Variants in INTS1 observed in about 807,000 individuals in gnomAD.
The protein encoded by INTS1 is integrator complex subunit 1.
A neutral mutation model predicts 241.6 loss-of-function variants in INTS1; 137 were observed. The observed-to-expected ratio is 0.57, with a 90% CI of 0.49 to 0.65. The LOEUF is 0.65. Among genes scored for constraint, INTS1 ranks in the 30% least tolerant of loss-of-function variants. The pLI, the probability that INTS1 is intolerant of heterozygous loss-of-function variation, is 0.00. For synonymous variants in INTS1, 1,692 were observed against 1,337.8 expected (o/e 1.26, Z -5.78); for missense variants, 3,073 against 3,032.2 (o/e 1.01, Z -0.32).
intron 40 of INTS1, 85 bp from the exon 41 acceptor site, chr7:1,474,445 G>A (rs756566066): frequency 7.5e-5 from 104 of 1,394,624 alleles, no homozygotes; most frequent in Non-Finnish European, 9.6e-5. Context: ...TGCCTGCCCC[G>A]GGAGCCAGAC....
chr7:1,480,964 G>C (rs28632200), intron 28 of INTS1, 31 bp from the exon 29 acceptor site: 1 of 1,514,432 alleles, frequency 6.6e-7, no homozygotes, highest in South Asian at 1.2e-5. Flanking sequence ...ACACCTGGGC[G>C]CGGCCAGGGG....
In INTS1 at chr7:1,499,042, G is replaced by A. The variant is rs367554159; in HGVS notation, c.1070C>T (p.Thr357Ile). Residue 357 changes from threonine (T) to isoleucine (I), a missense_variant, in exon 8 of 48, where the codon ACC becomes ATC. Transcript: ENST00000404767. ...CAGCCGCACCTCCTTATAGCCGCAG[G>A]TGGAGGTGAGGAGCCGCAGGAGGTT... The part of the protein sequence containing the change: ...SRNLLRLLTS[T>I]CGYKEVRLLA... 1 of 1,588,054 alleles carries A rather than the reference G, an allele frequency of 6.3e-7. No individual in the cohort carries two copies.
chr7:1,487,068 G>C lies in INTS1; in HGVS notation c.2680C>G (p.Leu894Val). Residue 894 changes from leucine (L) to valine (V), a missense_variant, in exon 21 of 48, where the codon CTG (leucine) becomes GTG (valine). Leu to Val is a conservative substitution (Grantham distance 32). Transcript: ENST00000404767. ...SSQSMPWLAD[L>V]VQSSEGSLDV... ...AGGGAGCCCTCGCTGGACTGTACCA[G>C]GTCCGCCAGCCAGGGCATGGACTGC... The C allele has an allele frequency of 6.4e-7, 1 of 1,559,038 alleles. No homozygotes were observed. The highest frequency in any genetic ancestry group is 8.6e-7 in the Non-Finnish European group (1 of 1,156,686).
At chr7:1,483,910 G>A (rs191091215) in intron 25 of INTS1, 57 bp from the exon 26 acceptor site, 50 of 1,586,872 alleles carry the variant, frequency 3.2e-5, no homozygotes, top group African/African-American at 2.1e-4. Flanking sequence ...AGCCAGCGCC[G>A]AGGGTACCCA....
intron 35 of INTS1, among the ~76,000 whole-genome samples, chr7:1,477,144 TC>T (rs1294044571): frequency 2.0e-5 from 3 of 152,158 alleles, no homozygotes; most frequent in Non-Finnish European, 4.4e-5. Context: ...TGCCCGGGGC[TC>T]CATGCAGCCT....
chr7:1,492,863 CGCGGGCTTACCCGGGCGGGA>C (rs1782637941), intron 16 of INTS1, 127 bp downstream of exon 16: 12 of 487,722 alleles, frequency 2.5e-5, no homozygotes, highest in Admixed American at 7.6e-5. Flanking sequence ...GGGAGCGGGG[CGCGGGCTTACCCGGGCGGGA>C]GTGGGGAGCG....
chr7:1,483,503 G>C, intron 26 of INTS1: 1 of 582,956 alleles, frequency 1.7e-6, no homozygotes. Flanking sequence ...CTCCAGCTCA[G>C]GGCTCTACAG....
At chr7:1,487,719 C>T (rs375305123) in intron 19 of INTS1, 41 bp downstream of exon 19, 10 of 1,598,414 alleles carry the variant, frequency 6.3e-6, no homozygotes, top group Middle Eastern at 3.5e-4. Flanking sequence ...ACCCACAGGT[C>T]CCGACGGCAG....
intron 22 of INTS1, 86 bp from the exon 23 acceptor site, chr7:1,485,555 C>G (rs556483586): frequency 7.2e-7 from 1 of 1,390,936 alleles, no homozygotes; most frequent in Non-Finnish European, 9.8e-7. Flanking sequence ...GCATGGTGCC[C>G]TCAGAGCCCC....
At chr7:1,498,310 G>A (rs775307898) in intron 10 of INTS1, 102 bp downstream of exon 10, 17 of 1,510,758 alleles carry the variant, frequency 1.1e-5, no homozygotes, top group South Asian at 6.0e-5. Context: ...ATTCTCCCAC[G>A]AAGCACTGCC....
In INTS1 at chr7:1,493,865, G is replaced by A. The variant is rs1008578692; in HGVS notation, c.1957C>T (p.Leu653=). The change falls in exon 15 of 48, where the codon CTG becomes TTG. Residue 653 remains leucine (L), a synonymous_variant. Coordinates refer to ENST00000404767, the MANE Select transcript of INTS1 (RefSeq NM_001080453.3). The surrounding 1 kb of genome is among the most constrained non-coding windows in gnomAD (Gnocchi z 5.3). Reference sequence around the variant, plus strand: ...AGCCCGATGACCAGGATGCGCATCAGCGTGTCCTCCAAAATGGGCACCTCG... The same window carrying A: ...AGCCCGATGACCAGGATGCGCATCAACGTGTCCTCCAAAATGGGCACCTCG... The part of the protein sequence containing the change: ...CSEVPILEDT[L]MRILVIGLSR... 6.4e-7 allele frequency: 1 copy of A among 1,566,804 alleles called. No individual in the cohort carries two copies. The highest frequency in any genetic ancestry group is 1.4e-5 in the African/African-American group (1 of 73,654).
chr7:1,474,911 C>T (rs1781640613), intron 39 of INTS1, 73 bp from the exon 40 acceptor site: 2 of 1,508,742 alleles, frequency 1.3e-6, no homozygotes, highest in Non-Finnish European at 1.8e-6. Context: ...AGCCTGGCCG[C>T]CAGCTGTGGC....
chr7:1,488,454 G>C (rs1782386421), intron 18 of INTS1, among the ~76,000 whole-genome samples: 1 of 152,080 alleles, frequency 6.6e-6, no homozygotes, highest in South Asian at 2.1e-4. Flanking sequence ...AAGTCAGTCT[G>C]CTCCTTCAGA....
intron 16 of INTS1, among the ~76,000 whole-genome samples, chr7:1,492,396 A>G (rs1782599522): frequency 6.6e-6 from 1 of 152,176 alleles, no homozygotes; most frequent in Admixed American, 6.5e-5. Flanking sequence ...GGGCCGCTCT[A>G]CAGAGGTGAC....
At position 1,498,651 on chromosome 7, in the gene INTS1, C is replaced by CCCACCCACACCCCCACT. The variant is rs1562519980; in HGVS notation, c.1283+39_1283+55dup. The CCCACCCACACCCCCACT allele has an allele frequency of 1.0e-5, 16 of 1,531,582 alleles. No homozygotes were observed. In the East Asian group the frequency reaches 1.5e-4, roughly 14 times the overall value. 94.9% of individuals were successfully genotyped at this position (1,531,582 alleles called of 1,614,324 possible). ...CCCGCACCCCCGCTCCGCCCACACC[C>CCCACCCACACCCCCACT]CCACCCACACCCCCACTCCACCCGC... On this transcript the variant is annotated intron_variant, in intron 9 of 47. Transcript: ENST00000404767.
intron 2 of INTS1, 53 bp downstream of exon 2, chr7:1,503,850 C>CCCCCAAAGAT (rs767647912): frequency 7.7e-7 from 1 of 1,299,588 alleles, no homozygotes; most frequent in Non-Finnish European, 1.1e-6. Flanking sequence ...TCCCCAAAGA[C>CCCCCAAAGAT]CCCCAAAGAC....
At position 1,499,968 on chromosome 7, in the gene INTS1, C is replaced by G; in HGVS notation, c.600G>C (p.Gly200=). Residue 200 remains glycine (G), a synonymous_variant, in exon 5 of 48, where the codon GGG becomes GGC. Coordinates refer to ENST00000404767, the MANE Select transcript of INTS1 (RefSeq NM_001080453.3). The part of the protein sequence containing the change: ...RDASINFKAK[G]NSLVSVLACN... ...AGGCCAGCACAGACACCAGGCTGTT[C>G]CCCTTGGCCTTGAAGTTGATGGAGG... The G allele has an allele frequency of 6.2e-7, 1 of 1,613,688 alleles. No homozygotes were observed. Among genetic ancestry groups the G allele is most frequent in the Non-Finnish European group, 8.5e-7 (1 of 1,179,868 alleles).
chr7:1,470,439 T>G lies in INTS1; in HGVS notation c.*138A>C. The G allele has an allele frequency of 1.6e-6, 1 of 627,906 alleles. No individual in the cohort carries two copies. The highest frequency in any genetic ancestry group is 2.6e-6 in the Non-Finnish European group (1 of 381,092). The allele number at this position is 627,906 out of a possible 1,614,324, so 38.9% of individuals were successfully genotyped here. A position where few individuals can be genotyped will look rare whatever the true frequency, so the allele number is the denominator to read the frequency against. On this transcript the variant is annotated 3_prime_UTR_variant, in exon 48 of 48. Transcript: ENST00000404767. The stretch of plus-strand genomic sequence containing the variant: ...ACCCCAGGGCTCGGAGTATTGCTCC[T>G]GGGCCTGCCTGGCCTCAGGGCTCGG...
In INTS1 at chr7:1,493,151, C is replaced by A. The variant is rs532297779; in HGVS notation, c.2069-45G>T. 1.4e-6 allele frequency: 2 copies of A among 1,475,752 alleles called. No homozygotes were observed. Among genetic ancestry groups the A allele is most frequent in the South Asian group, 1.1e-5 (1 of 88,778 alleles). 91.4% of individuals were successfully genotyped at this position (1,475,752 alleles called of 1,614,324 possible). A position where few individuals can be genotyped will look rare whatever the true frequency, so the allele number is the denominator to read the frequency against. Reference sequence around the variant, plus strand: ...ATGGGTTCTGGGGCTGCTCACAGACCATCAGGCACAGGCAGCGAGGGAACC... The same window carrying A: ...ATGGGTTCTGGGGCTGCTCACAGACAATCAGGCACAGGCAGCGAGGGAACC... On this transcript the variant is annotated intron_variant, in intron 15 of 47. Transcript: ENST00000404767. This position sits in a 1 kb window ranked among gnomAD's most constrained non-coding sequence, Gnocchi z 5.3.
Sources: allele counts gnomAD v4.1 joint callset (sites outside exome capture counted in the v4.1 genomes callset), GRCh38; gene constraint gnomAD v4.1.1; non-coding constraint Gnocchi (gnomAD v3.1); transcripts MANE v1.5; gene names NCBI Gene and HGNC (gene_info 2026-07-23, HGNC 2026-07-21).